The following CIB2 variants were observed in gnomAD, a reference collection of about 807,000 sequenced individuals.
CIB2 encodes calcium and integrin binding family member 2, also known as calcium and integrin-binding family member 2.
In CIB2, 19 loss-of-function variants were observed where a neutral mutation model predicts 23.1. The ratio of observed to expected loss-of-function variants is 0.82; its 90% CI spans 0.57 to 1.21. The LOEUF (loss-of-function observed/expected upper bound fraction) is 1.21. CIB2 is among the 50% of genes most tolerant of loss of function. The probability of loss-of-function intolerance (pLI) is 0.00; values close to 1 mark genes in which losing one functional copy is unlikely to be tolerated. For missense variants in CIB2, 220 were observed against 241.5 expected (o/e 0.91, Z 0.59); for synonymous variants, 94 against 91.7 (o/e 1.03, Z -0.14).
In CIB2 at chr15:78,131,262, C is replaced by T. The variant is rs2074452569; in HGVS notation, c.-47G>A. The T allele has an allele frequency of 7.2e-7, 1 of 1,384,630 alleles. No homozygotes were observed. The highest frequency in any genetic ancestry group is 1.9e-4 in the Middle Eastern group (1 of 5,204). The allele number at this position is 1,384,630 out of a possible 1,614,324, so 85.8% of individuals were successfully genotyped here. A position where few individuals can be genotyped will look rare whatever the true frequency, so the allele number is the denominator to read the frequency against. ...CGCCCGCCCGGGCTCCGACTCCCAT[C>T]AGCGGCCGCCAGACCCGGAGCCAGC... On this transcript the variant is annotated 5_prime_UTR_variant, in exon 1 of 6. Transcript: ENST00000258930. The surrounding 1 kb of genome is among the most constrained non-coding windows in gnomAD (Gnocchi z 5.8).
intron 2 of CIB2, among the ~76,000 whole-genome samples, chr15:78,115,418 C>G (rs971833053): frequency 6.6e-6 from 1 of 151,960 alleles, no homozygotes; most frequent in Non-Finnish European, 1.5e-5. Flanking sequence ...TGCGACCACA[C>G]TCGGCTGATT....
chr15:78,126,978 T>C (rs1424152287), intron 1 of CIB2, among the ~76,000 whole-genome samples: 1 of 152,188 alleles, frequency 6.6e-6, no homozygotes, highest in African/African-American at 2.4e-5. Flanking sequence ...GGTCAAATTC[T>C]AGTCTAGCTT....
At chr15:78,109,200 C>CGGGGG in intron 4 of CIB2, 35 bp downstream of exon 4, 2 of 1,159,142 alleles carry the variant, frequency 1.7e-6, no homozygotes, top group Non-Finnish European at 2.5e-6. Flanking sequence ...GTTCCCCCAC[C>CGGGGG]GCATATTCAG....
At chr15:78,116,653 T>C (rs1596355756) in intron 2 of CIB2, among the ~76,000 whole-genome samples, 1 of 152,162 alleles carries the variant, frequency 6.6e-6, no homozygotes, top group Non-Finnish European at 1.5e-5. Context: ...TACACTTAAA[T>C]ACTGGAGAGG....
intron 1 of CIB2, among the ~76,000 whole-genome samples, chr15:78,128,785 G>T (rs944789371): frequency 2.0e-5 from 3 of 152,070 alleles, no homozygotes; most frequent in African/African-American, 7.2e-5. Context: ...GGCAGGAGGG[G>T]CGCAGGAGGG....
chr15:78,130,226 G>A (rs1285019791), intron 1 of CIB2, among the ~76,000 whole-genome samples: 1 of 150,426 alleles, frequency 6.6e-6, no homozygotes, highest in Non-Finnish European at 1.5e-5. Context: ...GGGACTTGAA[G>A]GGTGAAAGAG....
Position 78,105,001 on chromosome 15 carries a change from T to C in CIB2, c.*310A>G. ...CCACCTCCTGTTGGGTTATCTGCTT[T>C]TCCCTCTTTGGGGGGGTGGGGAGCA... On this transcript the variant is annotated 3_prime_UTR_variant, in exon 6 of 6. Transcript: ENST00000258930. 3.6e-6 allele frequency: 1 copy of C among 275,432 alleles called. No individual in the cohort carries two copies. Among genetic ancestry groups the C allele is most frequent in the African/African-American group, 8.9e-5 (1 of 11,248 alleles). 17.1% of individuals were successfully genotyped at this position (275,432 alleles called of 1,614,324 possible). A position where few individuals can be genotyped will look rare whatever the true frequency, so the allele number is the denominator to read the frequency against.
chr15:78,109,192 T>TCCCCCC, intron 4 of CIB2, 43 bp downstream of exon 4: 1 of 1,241,544 alleles, frequency 8.1e-7, no homozygotes, highest in Non-Finnish European at 1.1e-6. Context: ...CCCCACATGT[T>TCCCCCC]CCCCCACCGC....
intron 2 of CIB2, among the ~76,000 whole-genome samples, chr15:78,122,514 G>A (rs980920336): frequency 6.6e-6 from 1 of 152,242 alleles, no homozygotes; most frequent in African/African-American, 2.4e-5. Context: ...AATACCGAGA[G>A]CCATCCTGTC....
chr15:78,111,065 A>T (rs998218275), intron 3 of CIB2, 100 bp downstream of exon 3: 18 of 970,344 alleles, frequency 1.9e-5, no homozygotes, highest in Admixed American at 1.7e-4. Flanking sequence ...AGCCACGCAG[A>T]CACAAAGGGT....
At chr15:78,110,112 G>C (rs1248219402) in intron 3 of CIB2, among the ~76,000 whole-genome samples, 1 of 152,212 alleles carries the variant, frequency 6.6e-6, no homozygotes, top group African/African-American at 2.4e-5. Flanking sequence ...CTGTCACTCT[G>C]CTCCTGTGAA....
chr15:78,122,039 C>T (rs373863107), intron 2 of CIB2, among the ~76,000 whole-genome samples: 9 of 152,360 alleles, frequency 5.9e-5, no homozygotes, highest in South Asian at 2.1e-4. Context: ...CACCCACACA[C>T]TCTTCATATG....
chr15:78,114,672 C>T (rs1014035697), intron 2 of CIB2, among the ~76,000 whole-genome samples: 3 of 150,998 alleles, frequency 2.0e-5, no homozygotes, highest in African/African-American at 7.3e-5. Flanking sequence ...CACAGTGGCT[C>T]ATGACTGTAA....
intron 5 of CIB2, 132 bp from the exon 6 acceptor site, chr15:78,105,464 T>C: frequency 3.2e-6 from 5 of 1,546,406 alleles, no homozygotes; most frequent in Non-Finnish European, 4.4e-6. Context: ...GCATAGTGGA[T>C]GCAGGTAATC....
At chr15:78,110,706 A>G (rs2074145131) in intron 3 of CIB2, 1 of 456,194 alleles carries the variant, frequency 2.2e-6, no homozygotes, top group African/African-American at 2.0e-5. Flanking sequence ...ACATGTACTG[A>G]GCCTGAATTG....
chr15:78,109,195 C>CA, intron 4 of CIB2, 40 bp downstream of exon 4: 4 of 1,293,864 alleles, frequency 3.1e-6, no homozygotes, highest in Middle Eastern at 2.6e-4. Flanking sequence ...CACATGTTCC[C>CA]CCACCGCATA....
intron 2 of CIB2, among the ~76,000 whole-genome samples, chr15:78,115,054 C>CA (rs1567053631): frequency 6.6e-6 from 1 of 151,944 alleles, no homozygotes; most frequent in Non-Finnish European, 1.5e-5. Context: ...TCATATTAAG[C>CA]AAAAAACATT....
At chr15:78,109,409 T>G in intron 3 of CIB2, 27 bp from the exon 4 acceptor site, 2 of 1,613,374 alleles carry the variant, frequency 1.2e-6, no homozygotes, top group Non-Finnish European at 1.7e-6. Flanking sequence ...CAGCAATCAC[T>G]GTGGGTGCAG....
At chr15:78,111,312 T>A in intron 2 of CIB2, 36 bp from the exon 3 acceptor site, 3 of 1,527,046 alleles carry the variant, frequency 2.0e-6, no homozygotes, top group Non-Finnish European at 2.7e-6. Flanking sequence ...CTGGAGGGGG[T>A]GCCATCCCTA....
Sources: allele counts gnomAD v4.1 joint callset (sites outside exome capture counted in the v4.1 genomes callset), GRCh38; gene constraint gnomAD v4.1.1; non-coding constraint Gnocchi (gnomAD v3.1); transcripts MANE v1.5; gene names NCBI Gene and HGNC (gene_info 2026-07-23, HGNC 2026-07-21).